Variants in MET observed in about 807,000 individuals in gnomAD.
The protein encoded by MET is hepatocyte growth factor receptor.
A neutral mutation model predicts 133.1 loss-of-function variants in MET; 48 were observed. That is an observed-to-expected ratio of 0.36 (90% CI 0.29 to 0.46). The LOEUF (loss-of-function observed/expected upper bound fraction) is 0.46. Ranked by LOEUF, MET falls within the 20% of genes least tolerant of loss-of-function variation. The probability of loss-of-function intolerance (pLI) is 1.00; values close to 1 mark genes in which losing one functional copy is unlikely to be tolerated. For missense variants in MET, 1,442 were observed against 1,695.9 expected, an observed-to-expected ratio of 0.85 and a Z score of 2.63; for synonymous variants, 628 against 616.5, an observed-to-expected ratio of 1.02 and a Z score of -0.28.
intron 2 of MET, among the ~76,000 whole-genome samples, chr7:116,702,759 C>T (rs1253559144): frequency 1.3e-5 from 2 of 152,150 alleles, no homozygotes; most frequent in Admixed American, 1.3e-4. Context: ...GCAGCAGTAA[C>T]TTTCTACTTA....
At chr7:116,685,632 G>A (rs1026420297) in intron 1 of MET, among the ~76,000 whole-genome samples, 1 of 152,088 alleles carries the variant, frequency 6.6e-6, no homozygotes, top group Non-Finnish European at 1.5e-5. Flanking sequence ...GTTGCAGTTA[G>A]CCAACACCAC....
At position 116,729,103 on chromosome 7, in the gene MET, AACTT is replaced by A. The variant is rs559660484; in HGVS notation, c.1201-2563_1201-2560del. Among the ~76,000 whole-genome samples the A allele has an allele frequency of 1.7e-4, 26 of 152,376 alleles. No individual in the cohort carries two copies. In the South Asian group the frequency reaches 5.0e-3, roughly 29 times the overall value. ...AAATGGATGATTGATCACCAATAGA[AACTT>A]AATTATCAATTAATCGGTTGCTATC... is the stretch of plus-strand genomic sequence containing the variant. On this transcript the variant is annotated intron_variant, in intron 2 of 20. Transcript: ENST00000397752.
Position 116,771,605 on chromosome 7 carries a change from A to G in MET, c.2838A>G (p.Leu946=). The G allele has an allele frequency of 6.2e-7, 1 of 1,613,940 alleles. No homozygotes were observed. The highest frequency in any genetic ancestry group is 8.5e-7 in the Non-Finnish European group (1 of 1,179,840). The change falls in exon 13 of 21, where the codon TTA becomes TTG. Residue 946 remains leucine, a synonymous_variant. Coordinates refer to ENST00000397752, the MANE Select transcript of MET (RefSeq NM_000245.4). ...TTGTCTCAATATCAACAGCACTGTTATTACTACTTGGGTTTTTCCTGTGGC... is the reference window on the plus strand; with the variant it reads ...TTGTCTCAATATCAACAGCACTGTTGTTACTACTTGGGTTTTTCCTGTGGC... ...AGVVSISTAL[L]LLLGFFLWLK... is the part of the protein sequence containing the mutation.
At chr7:116,724,937 G>A (rs1419137122) in intron 2 of MET, 2 of 1,075,544 alleles carry the variant, frequency 1.9e-6, no homozygotes, top group Admixed American at 5.5e-5. Flanking sequence ...TTAGAACTGT[G>A]TCTAACACAT....
Position 116,774,840 on chromosome 7 carries a change from G to T in MET, c.3029-41G>T, listed in dbSNP as rs777995744. ...CCTGTTTCAGTCCCCATTAAATGAG[G>T]TTTTACTGTTGTTCTTTAATAATTT... On this transcript the variant is annotated intron_variant, in intron 14 of 20. Transcript: ENST00000397752. 2.0e-6 allele frequency: 3 copies of T among 1,497,474 alleles called. No homozygotes were observed. In the East Asian group the frequency reaches 6.8e-5, roughly 34 times the overall value. 92.8% of individuals were successfully genotyped at this position (1,497,474 alleles called of 1,614,324 possible).
chr7:116,756,401 A>C lies in MET; in HGVS notation c.1862+886A>C, dbSNP rs185283273. On this transcript the variant is annotated intron_variant, in intron 6 of 20. Transcript: ENST00000397752. ...CTAATAGAATTCATTTCAGGGTTACACAAAGGTCCGAATCTATCCATTTTA... is the reference window on the plus strand; with the variant it reads ...CTAATAGAATTCATTTCAGGGTTACCCAAAGGTCCGAATCTATCCATTTTA... Among the ~76,000 whole-genome samples, 262 of 152,344 alleles carry C rather than the reference A, an allele frequency of 1.7e-3. 2 individuals carry two copies. Among genetic ancestry groups the C allele is most frequent in the African/African-American group, 6.0e-3 (249 of 41,590 alleles).
chr7:116,704,224 G>T lies in MET; in HGVS notation c.1200+3940G>T, dbSNP rs577263709. On this transcript the variant is annotated intron_variant, in intron 2 of 20. Transcript: ENST00000397752. ...GAAAATTTGGGATAATATATATGAG[G>T]TACCTGGCACAAGATGACTATAAAT... 3.3e-5 allele frequency among the ~76,000 whole-genome samples: 5 copies of T among 152,068 alleles called. No homozygotes were observed. The South Asian group carries it at 1.0e-3, about 32-fold the overall frequency.
rs902013283 is a variant in MET, at chr7:116,796,409, A to C, written c.*285A>C. 5 of 491,742 alleles carry C rather than the reference A, an allele frequency of 1.0e-5. No individual in the cohort carries two copies. The South Asian group carries it at 1.1e-4, about 11-fold the overall frequency. The allele number at this position is 491,742 out of a possible 1,614,324, so 30.5% of individuals were successfully genotyped here. A position where few individuals can be genotyped will look rare whatever the true frequency, so the allele number is the denominator to read the frequency against. ...TTCTGGGTTGAATTTTTTAAAAATC[A>C]GGTACCACTTGATTTCATATGGGAA... is the stretch of plus-strand genomic sequence containing the variant. On this transcript the variant is annotated 3_prime_UTR_variant, in exon 21 of 21. Coordinates refer to ENST00000397752, the MANE Select transcript of MET (RefSeq NM_000245.4).
At position 116,720,508 on chromosome 7, in the gene MET, A is replaced by G. The variant is rs895395329; in HGVS notation, c.1201-11160A>G. 3.7e-4 allele frequency among the ~76,000 whole-genome samples: 43 copies of G among 117,016 alleles called. 1 individual carries two copies. Among genetic ancestry groups the G allele is most frequent in the African/African-American group, 1.5e-3 (42 of 27,352 alleles). 76.8% of individuals were successfully genotyped at this position (117,016 alleles called of 152,430 possible). On this transcript the variant is annotated intron_variant, in intron 2 of 20. Transcript: ENST00000397752. Reference sequence around the variant, plus strand: ...CTCCTGCCTGATTGCCCTGGCCAGAACTTCCAACACTATGTTGAATAGGAG... The same window carrying G: ...CTCCTGCCTGATTGCCCTGGCCAGAGCTTCCAACACTATGTTGAATAGGAG...
intron 5 of MET, among the ~76,000 whole-genome samples, chr7:116,748,791 A>G (rs955375563): frequency 6.6e-6 from 1 of 152,244 alleles, no homozygotes; most frequent in African/African-American, 2.4e-5. Context: ...CTGATCCCAC[A>G]GAAATACAAA....
At chr7:116,693,417 T>G (rs974680771) in intron 1 of MET, among the ~76,000 whole-genome samples, 2 of 152,210 alleles carry the variant, frequency 1.3e-5, no homozygotes, top group Non-Finnish European at 1.5e-5. Context: ...CATAGTAGGC[T>G]GTCATGAGCC....
chr7:116,704,183 C>A (rs559173921), intron 2 of MET, among the ~76,000 whole-genome samples: 1 of 152,222 alleles, frequency 6.6e-6, no homozygotes, highest in Admixed American at 6.5e-5. Flanking sequence ...ACAATACCTA[C>A]TTCACAGGTT....
At chr7:116,793,461 C>T (rs1290589440) in intron 19 of MET, among the ~76,000 whole-genome samples, 3 of 151,908 alleles carry the variant, frequency 2.0e-5, no homozygotes, top group African/African-American at 7.3e-5. Context: ...AGATGTGAAC[C>T]ACCTTGTCCC....
intron 2 of MET, among the ~76,000 whole-genome samples, chr7:116,723,181 C>A (rs1792570864): frequency 7.0e-6 from 1 of 143,782 alleles, no homozygotes; most frequent in Non-Finnish European, 1.5e-5. Context: ...TTGCTCATTT[C>A]TTTTTATTCT....
rs1795662590 is a variant in MET, at chr7:116,796,045, A to G, written c.4094A>G (p.Tyr1365Cys). ...GTGAACGTAAAATGTGTCGCTCCGTATCCTTCTCTGTTGTCATCAGAAGAT... is the reference window on the plus strand; with the variant it reads ...GTGAACGTAAAATGTGTCGCTCCGTGTCCTTCTCTGTTGTCATCAGAAGAT... ...TYVNVKCVAP[Y>C]PSLLSSEDNA... is the part of the protein sequence containing the mutation. The change falls in exon 21 of 21, where the codon TAT becomes TGT. Residue 1365 changes from tyrosine (Y) to cysteine (C), a missense_variant. This residue lies in a region of MET where 94 missense variants were observed against 109.5 expected (regional missense o/e 0.86). Coordinates refer to ENST00000397752, the MANE Select transcript of MET (RefSeq NM_000245.4). 6.2e-7 allele frequency: 1 copy of G among 1,613,900 alleles called. No homozygotes were observed. The highest frequency in any genetic ancestry group is 1.1e-5 in the South Asian group (1 of 91,066).
chr7:116,693,439 G>T (rs1391774518), intron 1 of MET, among the ~76,000 whole-genome samples: 1 of 152,128 alleles, frequency 6.6e-6, no homozygotes, highest in Non-Finnish European at 1.5e-5. Flanking sequence ...GCACACAGCT[G>T]GTTCAGCATT....
chr7:116,777,591 A>G (rs1438978997), intron 16 of MET, 122 bp downstream of exon 16: 13 of 939,666 alleles, frequency 1.4e-5, no homozygotes, highest in Non-Finnish European at 2.1e-5. Context: ...CACTGAAATT[A>G]TGGGCCTAAT....
At chr7:116,780,076 C>T (rs1199085979) in intron 17 of MET, among the ~76,000 whole-genome samples, 8 of 152,150 alleles carry the variant, frequency 5.3e-5, no homozygotes, top group Admixed American at 5.2e-4. Flanking sequence ...CAGTGTTTAG[C>T]ACATAGACTC....
intron 1 of MET, among the ~76,000 whole-genome samples, chr7:116,681,479 T>G (rs1796356614): frequency 6.6e-6 from 1 of 152,230 alleles, no homozygotes; most frequent in African/African-American, 2.4e-5. Flanking sequence ...GGATATATAT[T>G]AGCTTTCCTT....
Sources: allele counts gnomAD v4.1 joint callset (sites outside exome capture counted in the v4.1 genomes callset), GRCh38; gene constraint gnomAD v4.1.1; regional missense constraint gnomAD v4.1.1; transcripts MANE v1.5; gene names NCBI Gene and HGNC (gene_info 2026-07-23, HGNC 2026-07-21).